ECPAS: variants seen among roughly 807,000 people sequenced by gnomAD.
ECPAS encodes the protein proteasome adapter and scaffold protein ECM29.
Under a neutral mutation model 255.1 loss-of-function variants are expected in ECPAS, and 70 were observed. The ratio of observed to expected loss-of-function variants is 0.27; its 90% CI spans 0.23 to 0.33. ECPAS has a LOEUF of 0.33. Among genes scored for constraint, ECPAS ranks in the 10% least tolerant of loss-of-function variants. The pLI is 1.00. For synonymous variants in ECPAS, 784 were observed against 775.0 expected (o/e 1.01, Z -0.19); for missense variants, 1,817 against 2,206.4 (o/e 0.82, Z 3.54).
chr9:111,402,697 A>G (rs781127444), intron 24 of ECPAS, among the ~76,000 whole-genome samples: 1 of 152,200 alleles, frequency 6.6e-6, no homozygotes, highest in Non-Finnish European at 1.5e-5. Context: ...ATTAAAACAG[A>G]GTTTTTAAGT....
At chr9:111,462,787 G>C (rs999848485) in intron 2 of ECPAS, among the ~76,000 whole-genome samples, 5 of 141,756 alleles carry the variant, frequency 3.5e-5, no homozygotes, top group Non-Finnish European at 7.5e-5. Context: ...CTGTCACCAA[G>C]GCTGGAGTGC....
intron 29 of ECPAS, among the ~76,000 whole-genome samples, chr9:111,390,640 G>A (rs2098158206): frequency 6.6e-6 from 1 of 152,210 alleles, no homozygotes; most frequent in Non-Finnish European, 1.5e-5. Context: ...AACTTTTGAT[G>A]TGATAACAGT....
intron 24 of ECPAS, among the ~76,000 whole-genome samples, chr9:111,407,403 GA>G (rs1161790026): frequency 9.0e-3 from 108 of 12,030 alleles, no homozygotes; most frequent in African/African-American, 0.022. Context: ...CTCCATCTCA[GA>G]AAAAAAAAAA....
chr9:111,389,543 CACAG>C lies in ECPAS; in HGVS notation c.3447+9_3447+12del. ...ACAGTGTTTTCCTAACACAGGGGTTCACAGACACTTACCATGGATTTGTCAGTGA... is the reference window on the plus strand; with the variant it reads ...ACAGTGTTTTCCTAACACAGGGGTTCACACTTACCATGGATTTGTCAGTGA... On this transcript the variant is annotated intron_variant, in intron 31 of 49. Coordinates refer to ENST00000684092, the MANE Select transcript of ECPAS (RefSeq NM_001364929.1). 1.9e-6 allele frequency: 3 copies of C among 1,609,286 alleles called. No homozygotes were observed. Among genetic ancestry groups the C allele is most frequent in the Non-Finnish European group, 2.5e-6 (3 of 1,177,226 alleles).
At chr9:111,430,139 T>A (rs1289494875) in intron 9 of ECPAS, among the ~76,000 whole-genome samples, 1 of 152,262 alleles carries the variant, frequency 6.6e-6, no homozygotes, top group Non-Finnish European at 1.5e-5. Context: ...TTGTAATATA[T>A]GAAAACTACA....
rs748162518 is a variant in ECPAS, at chr9:111,378,649, T to C, written c.3885A>G (p.Leu1295=). The change falls in exon 36 of 50, where the codon CTA becomes CTG. Residue 1295 remains leucine (L), a synonymous_variant. Transcript: ENST00000684092. ...GGGGCTCCAATACACTTAAGGACTC[T>C]AGCAGAGCTGGAATGAGTTTTGGTG... ...PHAPKLIPAL[L]ESLSVLEPQV... 3.2e-5 allele frequency: 51 copies of C among 1,613,916 alleles called. No homozygotes were observed. The East Asian group carries it at 3.8e-4, about 12-fold the overall frequency.
intron 7 of ECPAS, among the ~76,000 whole-genome samples, chr9:111,435,234 TTGAA>T (rs2098236291): frequency 6.6e-6 from 1 of 152,120 alleles, no homozygotes; most frequent in African/African-American, 2.4e-5. Context: ...TCTTAACTAC[TTGAA>T]TATTTACATT....
At chr9:111,420,327 G>A (rs189450915) in intron 15 of ECPAS, among the ~76,000 whole-genome samples, 106 of 152,140 alleles carry the variant, frequency 7.0e-4, no homozygotes, top group African/African-American at 2.5e-3. Context: ...CTTTTGGATG[G>A]TGGCATTACT....
At chr9:111,461,494 C>T (rs1017586452) in intron 2 of ECPAS, among the ~76,000 whole-genome samples, 4 of 151,986 alleles carry the variant, frequency 2.6e-5, no homozygotes, top group South Asian at 2.1e-4. Flanking sequence ...ATAAAAACTA[C>T]AGTAATTAAA....
At position 111,383,235 on chromosome 9, in the gene ECPAS, G is replaced by A; in HGVS notation, c.3779C>T (p.Thr1260Ile). Residue 1260 changes from threonine to isoleucine, a missense_variant, in exon 35 of 50, where the codon ACC becomes ATC. Transcript: ENST00000684092. Reference sequence around the variant, plus strand: ...CCTGAGGGCTCGAACTTCCGTCACGGTGCTCATCATTCCTTTGTCCAGAAG... The same window carrying A: ...CCTGAGGGCTCGAACTTCCGTCACGATGCTCATCATTCCTTTGTCCAGAAG... ...PCLLDKGMMS[T>I]VTEVRALSIN... 1.2e-6 allele frequency: 2 copies of A among 1,613,820 alleles called. No homozygotes were observed. Among genetic ancestry groups the A allele is most frequent in the Non-Finnish European group, 1.7e-6 (2 of 1,179,832 alleles).
chr9:111,415,456 T>C (rs1338325780), intron 18 of ECPAS, among the ~76,000 whole-genome samples: 1 of 151,860 alleles, frequency 6.6e-6, no homozygotes, highest in African/African-American at 2.4e-5. Flanking sequence ...TCCCAACACT[T>C]TGGGAGGCTG....
At chr9:111,461,705 A>G (rs139024516) in intron 2 of ECPAS, among the ~76,000 whole-genome samples, 4 of 152,330 alleles carry the variant, frequency 2.6e-5, no homozygotes, top group African/African-American at 7.2e-5. Context: ...ACCTCACACC[A>G]TATCTATTAG....
intron 31 of ECPAS, among the ~76,000 whole-genome samples, chr9:111,387,869 T>A (rs2098152625): frequency 6.6e-6 from 1 of 151,836 alleles, no homozygotes; most frequent in African/African-American, 2.4e-5. Context: ...GTCTCACTCA[T>A]CAACAGTGCA....
chr9:111,427,759 G>A (rs1389324642), intron 10 of ECPAS, among the ~76,000 whole-genome samples: 2 of 152,156 alleles, frequency 1.3e-5, no homozygotes, highest in African/African-American at 4.8e-5. Flanking sequence ...ATGAGACCAG[G>A]TATGGAATTT....
At chr9:111,385,197 A>G in intron 33 of ECPAS, 140 bp downstream of exon 33, 1 of 587,982 alleles carries the variant, frequency 1.7e-6, no homozygotes, top group Non-Finnish European at 3.0e-6. Context: ...TCACAGACAC[A>G]TTAAGACTGA....
Position 111,437,125 on chromosome 9 carries a change from A to G in ECPAS, c.540-17T>C. 1 of 1,567,136 alleles carries G rather than the reference A, an allele frequency of 6.4e-7. No homozygotes were observed. Among genetic ancestry groups the G allele is most frequent in the Non-Finnish European group, 8.6e-7 (1 of 1,160,816 alleles). ...AACACGTAACTGGAAAGGAAATAAC[A>G]CTTTAACCCTCTATAAATACAAAAG... On this transcript the variant is annotated splice_polypyrimidine_tract_variant and intron_variant, in intron 6 of 49. Transcript: ENST00000684092.
intron 1 of ECPAS, among the ~76,000 whole-genome samples, chr9:111,473,816 A>C (rs2098292631): frequency 6.6e-6 from 1 of 152,028 alleles, no homozygotes; most frequent in African/African-American, 2.4e-5. Context: ...AAAATACAAA[A>C]ATTAGCCAGG....
intron 15 of ECPAS, among the ~76,000 whole-genome samples, 170 bp downstream of exon 15, chr9:111,421,751 C>T (rs976622274): frequency 2.0e-5 from 3 of 152,140 alleles, no homozygotes; most frequent in African/African-American, 7.2e-5. Context: ...ACTACCACTC[C>T]TTCTCCCCTA....
At position 111,484,279 on chromosome 9, in the gene ECPAS, T is replaced by C. The variant is rs1395180966; in HGVS notation, c.-246A>G. 4.6e-6 allele frequency: 7 copies of C among 1,528,034 alleles called. No individual in the cohort carries two copies. Among genetic ancestry groups the C allele is most frequent in the Non-Finnish European group, 6.1e-6 (7 of 1,141,880 alleles). 94.7% of individuals were successfully genotyped at this position (1,528,034 alleles called of 1,614,324 possible). ...GGGCTGCCCTAGCGGCCGGGGGAAA[T>C]CCTCGAGGCGGGGCCGGAGCGCCCT... On this transcript the variant is annotated 5_prime_UTR_variant, in exon 1 of 50. Transcript: ENST00000684092.
Sources: allele counts gnomAD v4.1 joint callset (sites outside exome capture counted in the v4.1 genomes callset), GRCh38; gene constraint gnomAD v4.1.1; transcripts MANE v1.5; gene names NCBI Gene and HGNC (gene_info 2026-07-23, HGNC 2026-07-21).